SSBP3: variants seen among roughly 807,000 people sequenced by gnomAD.
SSBP3 encodes the protein single stranded DNA binding protein 3.
In SSBP3, 5 loss-of-function variants were observed where a neutral mutation model predicts 69.6. The ratio of observed to expected loss-of-function variants is 0.07; its 90% CI spans 0.04 to 0.15. The LOEUF is 0.15. Ranked by LOEUF, SSBP3 falls within the 10% of genes least tolerant of loss-of-function variation. SSBP3 has a pLI of 1.00. For synonymous variants in SSBP3, 196 were observed against 193.4 expected, an observed-to-expected ratio of 1.01 and a Z score of -0.11; for missense variants, 312 against 534.0, an observed-to-expected ratio of 0.58 and a Z score of 4.10.
intron 4 of SSBP3, chr1:54,286,513 G>A (rs1430687021): frequency 2.0e-5 from 3 of 152,236 alleles, no homozygotes; most frequent in African/African-American, 7.2e-5. Context: ...CTAAAGAGCA[G>A]GGTTTCTTGA....
intron 4 of SSBP3, among the ~76,000 whole-genome samples, chr1:54,374,129 C>T (rs1386901021): frequency 6.6e-6 from 1 of 152,234 alleles, no homozygotes; most frequent in Non-Finnish European, 1.5e-5. Flanking sequence ...CAAAGTAGCC[C>T]AGGGCAGCTT....
At position 54,228,481 on chromosome 1, in the gene SSBP3, G is replaced by C. The variant is rs1644326160; in HGVS notation, c.1007-4C>G. On this transcript the variant is annotated splice_polypyrimidine_tract_variant and splice_region_variant and intron_variant, in intron 15 of 17. Coordinates refer to ENST00000610401, the Ensembl canonical transcript of SSBP3. The stretch of plus-strand genomic sequence containing the variant: ...AGTCCGTCTATGTCGCCTGACCCTG[G>C]AAAGAAAAAATAATCCAATTCAGTT... 3 of 1,614,116 alleles carry C rather than the reference G, an allele frequency of 1.9e-6. No individual in the cohort carries two copies. The highest frequency in any genetic ancestry group is 1.3e-5 in the African/African-American group (1 of 75,048).
chr1:54,364,860 T>C (rs1442934706), intron 4 of SSBP3, among the ~76,000 whole-genome samples: 1 of 152,212 alleles, frequency 6.6e-6, no homozygotes, highest in Non-Finnish European at 1.5e-5. Flanking sequence ...CGTCAGCTTT[T>C]CTGCTTCTCA....
intron 14 of SSBP3, chr1:54,236,930 T>C (rs937305686): frequency 2.6e-5 from 4 of 152,206 alleles, no homozygotes; most frequent in African/African-American, 2.4e-5. Context: ...TTCATTTTCA[T>C]TGGTAAGAAG....
chr1:54,357,370 G>A (rs1646885335), intron 4 of SSBP3, among the ~76,000 whole-genome samples: 1 of 152,140 alleles, frequency 6.6e-6, no homozygotes, highest in African/African-American at 2.4e-5. Context: ...AGTCAGGCAG[G>A]CAGGAGAAGG....
intron 4 of SSBP3, among the ~76,000 whole-genome samples, chr1:54,307,257 T>C (rs933989936): frequency 1.3e-5 from 2 of 151,986 alleles, no homozygotes; most frequent in Non-Finnish European, 2.9e-5. Flanking sequence ...TCTTACACTA[T>C]GGTCCTCCAG....
Position 54,240,901 on chromosome 1 carries a change from T to C in SSBP3, c.856+4A>G. Reference sequence around the variant, plus strand: ...CCCCCCACTTTCCCCTCAAGCGCTCTTACCTGCGGGACTGGGCATAATGGG... The same window carrying C: ...CCCCCCACTTTCCCCTCAAGCGCTCCTACCTGCGGGACTGGGCATAATGGG... On this transcript the variant is annotated splice_donor_region_variant and intron_variant, in intron 13 of 17. Transcript: ENST00000610401. 6.2e-7 allele frequency: 1 copy of C among 1,611,880 alleles called. No individual in the cohort carries two copies. The highest frequency in any genetic ancestry group is 8.5e-7 in the Non-Finnish European group (1 of 1,178,848).
At chr1:54,344,173 GAA>G (rs573349884) in intron 4 of SSBP3, among the ~76,000 whole-genome samples, 4 of 150,366 alleles carry the variant, frequency 2.7e-5, no homozygotes, top group African/African-American at 4.9e-5. Context: ...AAACGTTGAG[GAA>G]AAAAAAAGTC....
chr1:54,306,432 C>T (rs1444518322), intron 4 of SSBP3, among the ~76,000 whole-genome samples: 1 of 152,120 alleles, frequency 6.6e-6, no homozygotes, highest in Non-Finnish European at 1.5e-5. Flanking sequence ...TTATCTGAAA[C>T]CAGACTGTGC....
At chr1:54,231,159 G>A (rs1050761530) in intron 14 of SSBP3, among the ~76,000 whole-genome samples, 2 of 152,156 alleles carry the variant, frequency 1.3e-5, no homozygotes, top group Non-Finnish European at 2.9e-5. Flanking sequence ...ACATTCCCAC[G>A]AGCAGTGTCT....
At chr1:54,318,894 G>T (rs192017814) in intron 4 of SSBP3, among the ~76,000 whole-genome samples, 1 of 152,322 alleles carries the variant, frequency 6.6e-6, no homozygotes, top group African/African-American at 2.4e-5. Flanking sequence ...TCCTTTCCCA[G>T]GATGTATCCG....
chr1:54,294,341 AAC>A, intron 4 of SSBP3, among the ~76,000 whole-genome samples: 1 of 151,966 alleles, frequency 6.6e-6, no homozygotes, highest in Admixed American at 6.6e-5. Flanking sequence ...CAACAAACAA[AAC>A]ACACACCCTG....
chr1:54,243,110 G>A (rs558377919), intron 10 of SSBP3, 125 bp downstream of exon 10: 36 of 853,050 alleles, frequency 4.2e-5, no homozygotes, highest in Middle Eastern at 6.8e-4. Flanking sequence ...TCACATTACC[G>A]ATGAGGAGAC....
intron 4 of SSBP3, among the ~76,000 whole-genome samples, chr1:54,309,255 G>A (rs545942596): frequency 6.6e-6 from 1 of 152,280 alleles, no homozygotes; most frequent in Admixed American, 6.5e-5. Flanking sequence ...GCCCTGCCCT[G>A]AGGCCAGTTA....
intron 4 of SSBP3, among the ~76,000 whole-genome samples, chr1:54,321,588 C>T (rs1646215034): frequency 6.6e-6 from 1 of 152,258 alleles, no homozygotes; most frequent in South Asian, 2.1e-4. Context: ...CCTGACTGCA[C>T]TTCGGTTTTC....
At chr1:54,261,013 G>A (rs1461445120) in intron 5 of SSBP3, among the ~76,000 whole-genome samples, 2 of 152,192 alleles carry the variant, frequency 1.3e-5, no homozygotes, top group Non-Finnish European at 2.9e-5. Flanking sequence ...AGAGCCAGAC[G>A]CCTGCCATTT....
intron 4 of SSBP3, among the ~76,000 whole-genome samples, chr1:54,386,704 T>TTTTTTTTTTTTTA (rs1557584629): frequency 1.4e-5 from 2 of 140,986 alleles, no homozygotes; most frequent in African/African-American, 2.6e-5. Context: ...TTTTTTTTTT[T>TTTTTTTTTTTTTA]AAGAGATGGA....
At chr1:54,256,968 A>G (rs1380509238) in intron 7 of SSBP3, among the ~76,000 whole-genome samples, 159 bp downstream of exon 7, 1 of 152,170 alleles carries the variant, frequency 6.6e-6, no homozygotes, top group Non-Finnish European at 1.5e-5. Flanking sequence ...CAGCGGGGAC[A>G]TGGGGCCCTC....
chr1:54,402,737 C>G (rs541588699), intron 3 of SSBP3, among the ~76,000 whole-genome samples: 5 of 152,186 alleles, frequency 3.3e-5, no homozygotes, highest in Admixed American at 2.6e-4. Flanking sequence ...CCTCACCCCC[C>G]ACTAAAGATT....
Sources: allele counts gnomAD v4.1 joint callset (sites outside exome capture counted in the v4.1 genomes callset), GRCh38; gene constraint gnomAD v4.1.1; transcripts MANE v1.5; gene names NCBI Gene and HGNC (gene_info 2026-07-23, HGNC 2026-07-21).